Variants in ZNF37A observed in about 807,000 individuals in gnomAD.
ZNF37A encodes zinc finger protein 37a (KOX 21).
ZNF37A carries 10 observed loss-of-function variants against 12.3 expected under a neutral mutation model. That is an observed-to-expected ratio of 0.82 (90% CI 0.50 to 1.38). ZNF37A has a LOEUF of 1.38. Ranked by LOEUF, ZNF37A falls within the 40% of genes most tolerant of loss-of-function variation. ZNF37A has a pLI of 0.00. For synonymous variants in ZNF37A, 207 were observed against 223.0 expected (o/e 0.93, Z 0.64); for missense variants, 580 against 651.2 (o/e 0.89, Z 1.19).
At chr10:38,145,270 A>C (rs1471945272) in intron 7 of ZNF37A, among the ~76,000 whole-genome samples, 11 of 152,298 alleles carry the variant, frequency 7.2e-5, no homozygotes, top group Admixed American at 2.6e-4. Context: ...AATAGTTTTG[A>C]CTCACACTGC....
chr10:38,112,815 T>TG (rs1564932882), intron 5 of ZNF37A, among the ~76,000 whole-genome samples: 1 of 119,276 alleles, frequency 8.4e-6, no homozygotes, highest in Admixed American at 8.2e-5. Flanking sequence ...CTTGTCTTCT[T>TG]TTCTTTTCTT....
intron 4 of ZNF37A, among the ~76,000 whole-genome samples, chr10:38,096,056 C>T (rs1564907186): frequency 2.0e-5 from 3 of 151,958 alleles, no homozygotes; most frequent in East Asian, 1.9e-4. Context: ...TGTGGTGGTG[C>T]GCACCTGTAG....
At chr10:38,133,930 C>T (rs1420232165) in intron 7 of ZNF37A, among the ~76,000 whole-genome samples, 3 of 152,120 alleles carry the variant, frequency 2.0e-5, no homozygotes, top group Non-Finnish European at 2.9e-5. Context: ...ACCAATCAGA[C>T]GTAGATTTGG....
Position 38,112,741 on chromosome 10 carries a change from T to TCGG in ZNF37A, c.16-2014_16-2013insCGG, listed in dbSNP as rs1564931821. Among the ~76,000 whole-genome samples, 131 of 26,120 alleles carry TCGG rather than the reference T, an allele frequency of 5.0e-3. 5 individuals carry two copies. Among genetic ancestry groups the TCGG allele is most frequent in the African/African-American group, 8.0e-3 (44 of 5,484 alleles). The allele number at this position is 26,120 out of a possible 152,430, so 17.1% of individuals were successfully genotyped here. ...TGTATTTTACATCCATTTTCTTTTC[T>TCGG]TTTCTTTTCTTTTCTTTTCTTTTCT... is the stretch of plus-strand genomic sequence containing the variant. On this transcript the variant is annotated intron_variant, in intron 5 of 7. Transcript: ENST00000685332.
At chr10:38,112,777 T>TG (rs1270572596) in intron 5 of ZNF37A, among the ~76,000 whole-genome samples, 4,196 of 62,548 alleles carry the variant, frequency 0.067, 828 homozygotes, top group East Asian at 0.11. Flanking sequence ...TTTCTTTTCT[T>TG]TTCTTTTCTT....
At chr10:38,130,682 C>T (rs1336648737) in intron 7 of ZNF37A, among the ~76,000 whole-genome samples, 1 of 151,918 alleles carries the variant, frequency 6.6e-6, no homozygotes, top group Non-Finnish European at 1.5e-5. Context: ...GTTAGCTAGG[C>T]TGTTCTCGAA....
chr10:38,102,527 C>T (rs747856094), intron 5 of ZNF37A, among the ~76,000 whole-genome samples: 2 of 152,002 alleles, frequency 1.3e-5, no homozygotes, highest in Non-Finnish European at 2.9e-5. Flanking sequence ...TACATAGATG[C>T]ATAATTATTG....
intron 5 of ZNF37A, among the ~76,000 whole-genome samples, chr10:38,105,710 G>C (rs2505193): frequency 0.41 from 62,312 of 151,750 alleles, 12,941 homozygotes; most frequent in East Asian, 0.5. Context: ...TTGTGAAGGG[G>C]ACATACATTC....
intron 5 of ZNF37A, among the ~76,000 whole-genome samples, chr10:38,111,891 C>T (rs1205530385): frequency 6.6e-6 from 1 of 151,636 alleles, no homozygotes; most frequent in East Asian, 1.9e-4. Context: ...TGCCTTCTAA[C>T]CTCCAAGGTT....
exon 8 of ZNF37A, chr10:38,148,203 T>C (rs1202298836): frequency 6.6e-6 from 1 of 152,214 alleles, no homozygotes; most frequent in Non-Finnish European, 1.5e-5. Flanking sequence ...ACTAAACCTC[T>C]TGCATACAGA....
In ZNF37A at chr10:38,122,483, C is replaced by T. The variant is rs540860570; in HGVS notation, c.*3646C>T. ...CCAAAACAGCATGATACTGGCATAA[C>T]AACAGACACATAGGAACAGTATAGA... On this transcript the variant is annotated 3_prime_UTR_variant, in exon 8 of 8. Coordinates refer to ENST00000685332, the MANE Select transcript of ZNF37A (RefSeq NM_001324250.3). The T allele has an allele frequency of 2.6e-5, 4 of 152,228 alleles. No homozygotes were observed. In the East Asian group the frequency reaches 5.8e-4, roughly 22 times the overall value. 9.4% of individuals were successfully genotyped at this position (152,228 alleles called of 1,614,324 possible).
exon 8 of ZNF37A, chr10:38,146,808 C>G (rs574101709): frequency 1.8e-5 from 7 of 398,408 alleles, no homozygotes; most frequent in Middle Eastern, 6.3e-4. Context: ...AGACTCCAAC[C>G]GAGCGGCACT....
intron 7 of ZNF37A, among the ~76,000 whole-genome samples, chr10:38,136,893 T>C (rs777058506): frequency 1.3e-5 from 2 of 152,168 alleles, no homozygotes; most frequent in Non-Finnish European, 2.9e-5. Flanking sequence ...TTTCTTCAAG[T>C]GTATTTATTT....
intron 5 of ZNF37A, among the ~76,000 whole-genome samples, chr10:38,102,515 A>T (rs1192881778): frequency 6.6e-6 from 1 of 152,196 alleles, no homozygotes; most frequent in African/African-American, 2.4e-5. Context: ...TTGTGTGCAC[A>T]TTACATAGAT....
chr10:38,096,513 G>C lies in ZNF37A; in HGVS notation c.-44-61G>C, dbSNP rs2474573. On this transcript the variant is annotated intron_variant, in intron 4 of 7. Transcript: ENST00000685332. ...ATCTCCCTTTCAGAGATGTTTTGCCGGCTGCGAAGTGGACCTTTTAAGGCA... is the reference window on the plus strand; with the variant it reads ...ATCTCCCTTTCAGAGATGTTTTGCCCGCTGCGAAGTGGACCTTTTAAGGCA... The C allele has an allele frequency of 3.4e-6, 4 of 1,185,618 alleles. No homozygotes were observed. The African/African-American group carries it at 4.6e-5, about 14-fold the overall frequency. 73.4% of individuals were successfully genotyped at this position (1,185,618 alleles called of 1,614,324 possible). A position where few individuals can be genotyped will look rare whatever the true frequency, so the allele number is the denominator to read the frequency against.
At chr10:38,129,411 G>C (rs2069986515), downstream of ZNF37A, among the ~76,000 whole-genome samples, 4 of 151,556 alleles carry the variant, frequency 2.6e-5, no homozygotes, top group South Asian at 8.3e-4. Flanking sequence ...TGCAGGGCTT[G>C]GTGTACAGAT....
At chr10:38,109,184 C>A (rs1418752538) in intron 5 of ZNF37A, among the ~76,000 whole-genome samples, 2 of 152,112 alleles carry the variant, frequency 1.3e-5, no homozygotes, top group African/African-American at 4.8e-5. Context: ...GCATCATAGG[C>A]AAATTAATAA....
At chr10:38,137,070 T>C (rs2070117243) in intron 7 of ZNF37A, among the ~76,000 whole-genome samples, 1 of 152,230 alleles carries the variant, frequency 6.6e-6, no homozygotes, top group Non-Finnish European at 1.5e-5. Flanking sequence ...CTTAGCTCTT[T>C]GAATACATTT....
At chr10:38,129,335 A>AT (rs1470684081), downstream of ZNF37A, among the ~76,000 whole-genome samples, 4 of 143,402 alleles carry the variant, frequency 2.8e-5, no homozygotes, top group African/African-American at 1.0e-4. Flanking sequence ...ATTATTTTTT[A>AT]TTTTTAACTT....
Sources: allele counts gnomAD v4.1 joint callset (sites outside exome capture counted in the v4.1 genomes callset), GRCh38; gene constraint gnomAD v4.1.1; transcripts MANE v1.5; gene names NCBI Gene and HGNC (gene_info 2026-07-23, HGNC 2026-07-21).